MLLT1: variants seen among roughly 807,000 people sequenced by gnomAD.
MLLT1 encodes the protein MLLT1 super elongation complex subunit.
Under a neutral mutation model 55.1 loss-of-function variants are expected in MLLT1, and 11 were observed. The observed-to-expected ratio is 0.20, with a 90% CI of 0.13 to 0.33. The LOEUF is 0.33. MLLT1 is among the 10% of genes least tolerant of loss of function. The pLI is 1.00. For synonymous variants in MLLT1, 323 were observed against 320.1 expected (o/e 1.01, Z -0.10); for missense variants, 536 against 760.6 (o/e 0.70, Z 3.47).
chr19:6,252,398 T>A (rs1011960510), intron 3 of MLLT1, among the ~76,000 whole-genome samples: 8 of 152,170 alleles, frequency 5.3e-5, no homozygotes. Flanking sequence ...ATTCCCCCAA[T>A]AAGTTCCCTC....
At position 6,222,395 on chromosome 19, in the gene MLLT1, G is replaced by T. The variant is rs542573805; in HGVS notation, c.836C>A (p.Pro279Gln). The change falls in exon 6 of 12, where the codon CCA (proline) becomes CAA (glutamine). Residue 279 changes from proline (P) to glutamine (Q), a missense_variant. Pro to Gln is a moderately conservative substitution (Grantham distance 76). Around this residue, in one of 3 missense-constraint regions of MLLT1, gnomAD observed 449 missense variants for 489.0 expected, o/e 0.92. Transcript: ENST00000252674. The surrounding 1 kb of genome is among the most constrained non-coding windows in gnomAD (Gnocchi z 4.1). ...KGGPPPPPPP[P>Q]PRASSKRPAT... Reference sequence around the variant, plus strand: ...CGGCCGCTTGCTGGAAGCCCGGGGTGGGGGTGGGGGTGGGGGTGGGGGCCC... The same window carrying T: ...CGGCCGCTTGCTGGAAGCCCGGGGTTGGGGTGGGGGTGGGGGTGGGGGCCC... The T allele has an allele frequency of 8.8e-6, 9 of 1,018,768 alleles. No homozygotes were observed. Among genetic ancestry groups the T allele is most frequent in the East Asian group, 9.1e-5 (2 of 21,890 alleles). The allele number at this position is 1,018,768 out of a possible 1,614,324, so 63.1% of individuals were successfully genotyped here.
chr19:6,266,303 G>C (rs1386678161), intron 2 of MLLT1, among the ~76,000 whole-genome samples: 2 of 147,832 alleles, frequency 1.4e-5, no homozygotes, highest in East Asian at 2.0e-4. Flanking sequence ...AAAAAGTTTT[G>C]GATTTCGGAT....
rs1600208172 is a variant in MLLT1, at chr19:6,256,992, T to C, written c.276+5236A>G. Among the ~76,000 whole-genome samples the C allele has an allele frequency of 6.6e-6, 1 of 152,172 alleles. No homozygotes were observed. The highest frequency in any genetic ancestry group is 2.1e-4 in the South Asian group (1 of 4,832). On this transcript the variant is annotated intron_variant, in intron 3 of 11. Coordinates refer to ENST00000252674, the MANE Select transcript of MLLT1 (RefSeq NM_005934.4). This position sits in a 1 kb window ranked among gnomAD's most constrained non-coding sequence, Gnocchi z 4.1. ...TGGAAAACCACATGCAAAAGAATAC[T>C]GTTAGACCCCCACTTCACTTCATAT...
In MLLT1 at chr19:6,211,118, G is replaced by A. The variant is rs1020234223; in HGVS notation, c.*1924C>T. On this transcript the variant is annotated 3_prime_UTR_variant, in exon 12 of 12. Coordinates refer to ENST00000252674, the MANE Select transcript of MLLT1 (RefSeq NM_005934.4). The surrounding 1 kb of genome is among the most constrained non-coding windows in gnomAD (Gnocchi z 4.6). ...GGCTGAGGTTCCTGTCCGTGACCCCGGCGGCCTCTTGTGCGTAGAGCTCCC... is the reference window on the plus strand; with the variant it reads ...GGCTGAGGTTCCTGTCCGTGACCCCAGCGGCCTCTTGTGCGTAGAGCTCCC... 2.6e-5 allele frequency: 6 copies of A among 232,352 alleles called. No individual in the cohort carries two copies. The highest frequency in any genetic ancestry group is 4.3e-5 in the Non-Finnish European group (5 of 117,552). 14.4% of individuals were successfully genotyped at this position (232,352 alleles called of 1,614,324 possible).
Position 6,245,719 on chromosome 19 carries a change from A to C in MLLT1, c.277-15006T>G, listed in dbSNP as rs576114498. Reference sequence around the variant, plus strand: ...GAGCGAGACTCCGTCTCAAAAAATAAACAAATAAAATTTTTTTTTAAAAAG... The same window carrying C: ...GAGCGAGACTCCGTCTCAAAAAATACACAAATAAAATTTTTTTTTAAAAAG... On this transcript the variant is annotated intron_variant, in intron 3 of 11. Transcript: ENST00000252674. 2.8e-3 allele frequency among the ~76,000 whole-genome samples: 397 copies of C among 142,246 alleles called. 1 individual carries two copies. Among genetic ancestry groups the C allele is most frequent in the African/African-American group, 0.01 (370 of 35,942 alleles). 93.3% of individuals were successfully genotyped at this position (142,246 alleles called of 152,430 possible).
chr19:6,268,701 C>A (rs1437899093), intron 2 of MLLT1, among the ~76,000 whole-genome samples: 1 of 152,100 alleles, frequency 6.6e-6, no homozygotes, highest in Non-Finnish European at 1.5e-5. Flanking sequence ...TGCCTCCAGG[C>A]CCCACAGACA....
intron 3 of MLLT1, among the ~76,000 whole-genome samples, chr19:6,248,906 T>C (rs1255045780): frequency 6.6e-6 from 1 of 152,198 alleles, no homozygotes; most frequent in Non-Finnish European, 1.5e-5. Flanking sequence ...CTCTTCTGTG[T>C]CTAAAATTAT....
chr19:6,277,568 C>T (rs1328654815), intron 1 of MLLT1, among the ~76,000 whole-genome samples: 1 of 152,216 alleles, frequency 6.6e-6, no homozygotes, highest in African/African-American at 2.4e-5. Flanking sequence ...CTCTCCCACA[C>T]CTGTCCACCT....
rs978677248 is a variant in MLLT1, at chr19:6,273,947, A to C, written c.13-3188T>G. On this transcript the variant is annotated intron_variant, in intron 1 of 11. Coordinates refer to ENST00000252674, the MANE Select transcript of MLLT1 (RefSeq NM_005934.4). The surrounding 1 kb of genome is among the most constrained non-coding windows in gnomAD (Gnocchi z 4.3). ...TTCCACTGGAGAGGGGGAGGATGGA[A>C]GCACCAGAACTCCACCGCAGTGGCC... Among the ~76,000 whole-genome samples the C allele has an allele frequency of 5.3e-5, 8 of 152,218 alleles. No homozygotes were observed. Among genetic ancestry groups the C allele is most frequent in the African/African-American group, 1.9e-4 (8 of 41,458 alleles).
rs1402631055 is a variant in MLLT1 at position 6,273,694 on chromosome 19, A to C, written c.13-2935T>G. The stretch of plus-strand genomic sequence containing the variant: ...TCCCGCTGGGAGCATTACAGGTGAA[A>C]ACTAAATGTACATATACATCATGGG... On this transcript the variant is annotated intron_variant, in intron 1 of 11. Coordinates refer to ENST00000252674, the MANE Select transcript of MLLT1 (RefSeq NM_005934.4). The surrounding 1 kb of genome is among the most constrained non-coding windows in gnomAD (Gnocchi z 4.3). Among the ~76,000 whole-genome samples, 2 of 152,178 alleles carry C rather than the reference A, an allele frequency of 1.3e-5. No individual in the cohort carries two copies. The highest frequency in any genetic ancestry group is 2.9e-5 in the Non-Finnish European group (2 of 68,028).
At chr19:6,232,678 T>C (rs1220403319) in intron 3 of MLLT1, among the ~76,000 whole-genome samples, 8 of 152,102 alleles carry the variant, frequency 5.3e-5, no homozygotes, top group African/African-American at 1.7e-4. Context: ...TGCAGAGACA[T>C]GGATGAGTTG....
At chr19:6,249,798 G>T (rs116898153) in intron 3 of MLLT1, among the ~76,000 whole-genome samples, 2,696 of 152,220 alleles carry the variant, frequency 0.018, 37 homozygotes, top group Middle Eastern at 0.051. Context: ...CTAGGTGGGC[G>T]GATCGCTTGA....
intron 2 of MLLT1, among the ~76,000 whole-genome samples, chr19:6,266,911 C>G (rs944954725): frequency 2.0e-5 from 3 of 151,936 alleles, no homozygotes; most frequent in African/African-American, 7.3e-5. Flanking sequence ...GATAAGAGTC[C>G]GTTGTGATTA....
At chr19:6,218,760 C>G (rs2090869431) in intron 6 of MLLT1, among the ~76,000 whole-genome samples, 2 of 152,206 alleles carry the variant, frequency 1.3e-5, no homozygotes, top group African/African-American at 4.8e-5. Context: ...AGGCGTAGCT[C>G]CTGGGTGGAC....
chr19:6,251,963 A>T (rs1166445376), intron 3 of MLLT1, among the ~76,000 whole-genome samples: 1 of 152,024 alleles, frequency 6.6e-6, no homozygotes, highest in Non-Finnish European at 1.5e-5. Context: ...ACAAAGAAAA[A>T]AGAAAAAAAG....
Position 6,212,546 on chromosome 19 carries a change from C to T in MLLT1, c.*496G>A, listed in dbSNP as rs990108386. 18 of 1,079,570 alleles carry T rather than the reference C, an allele frequency of 1.7e-5. No individual in the cohort carries two copies. The Admixed American group carries it at 2.5e-4, about 15-fold the overall frequency. 66.9% of individuals were successfully genotyped at this position (1,079,570 alleles called of 1,614,324 possible). A position where few individuals can be genotyped will look rare whatever the true frequency, so the allele number is the denominator to read the frequency against. On this transcript the variant is annotated 3_prime_UTR_variant, in exon 12 of 12. Coordinates refer to ENST00000252674, the MANE Select transcript of MLLT1 (RefSeq NM_005934.4). ...AGCGCAGCGCGAGCCGGGGAGGAGC[C>T]GGCGCTAGGTCTACACGGAGGACGA...
chr19:6,249,171 T>C (rs768687665), intron 3 of MLLT1, among the ~76,000 whole-genome samples: 1 of 152,186 alleles, frequency 6.6e-6, no homozygotes, highest in Non-Finnish European at 1.5e-5. Context: ...ATGTAAAATC[T>C]CTCAATACTT....
intron 8 of MLLT1, among the ~76,000 whole-genome samples, chr19:6,216,062 G>A (rs2090840361): frequency 6.6e-6 from 1 of 152,104 alleles, no homozygotes; most frequent in Non-Finnish European, 1.5e-5. Context: ...CAGAGAAACA[G>A]GCCTGCTCCC....
intron 3 of MLLT1, among the ~76,000 whole-genome samples, chr19:6,254,393 C>T (rs946998233): frequency 6.6e-5 from 10 of 152,186 alleles, no homozygotes; most frequent in Non-Finnish European, 8.8e-5. Context: ...TTCCTGAGTT[C>T]TGTGAGCCGT....
Sources: gnomAD v4.1 joint callset for allele counts (sites outside exome capture counted in the v4.1 genomes callset) on GRCh38, gnomAD v4.1.1 for gene constraint, gnomAD v4.1.1 regional missense constraint, Gnocchi (gnomAD v3.1) non-coding constraint, MANE v1.5 for transcripts, NCBI Gene and HGNC (gene_info 2026-07-23, HGNC 2026-07-21) for gene names.